The following PKD1L3 variants were observed in gnomAD, a reference collection of about 807,000 sequenced individuals.
PKD1L3 encodes the protein polycystin 1 like 3, transient receptor potential channel interacting, also known as polycystin-1-like protein 3.
Under a neutral mutation model 184.1 loss-of-function variants are expected in PKD1L3, and 239 were observed. The observed-to-expected ratio is 1.30, with a 90% CI of 1.17 to 1.45. The LOEUF (loss-of-function observed/expected upper bound fraction) is 1.45. Ranked by LOEUF, PKD1L3 falls within the 40% of genes most tolerant of loss-of-function variation. The pLI, the probability that PKD1L3 is intolerant of heterozygous loss-of-function variation, is 0.00. For missense variants in PKD1L3, 2,660 were observed against 2,067.2 expected (o/e 1.29, Z -5.56); for synonymous variants, 996 against 778.8 (o/e 1.28, Z -4.64).
Position 71,942,670 on chromosome 16 carries a change from C to T in PKD1L3, c.4214G>A (p.Arg1405Lys), listed in dbSNP as rs2038401350. The T allele has an allele frequency of 6.4e-7, 1 of 1,551,702 alleles. No homozygotes were observed. The highest frequency in any genetic ancestry group is 8.7e-7 in the Non-Finnish European group (1 of 1,147,000). Residue 1405 changes from arginine (R) to lysine (K), a missense_variant, in exon 24 of 30, where the codon AGG (arginine) becomes AAG (lysine). Physicochemically the swap from Arg to Lys is conservative, Grantham distance 26. Coordinates refer to ENST00000620267, the MANE Select transcript of PKD1L3 (RefSeq NM_181536.2). Reference protein sequence around the residue: ...PKSLFPGLHLRRFSYICSPRP... With the variant: ...PKSLFPGLHLKRFSYICSPRP... ...GGGTGAACAGATGTAACTGAACCTCCTTAGATGAAGTCCAGGGAATAGGCT... is the reference window on the plus strand; with the variant it reads ...GGGTGAACAGATGTAACTGAACCTCTTTAGATGAAGTCCAGGGAATAGGCT...
At chr16:71,959,801 T>C (rs1456316134) in intron 16 of PKD1L3, among the ~76,000 whole-genome samples, 5 of 151,976 alleles carry the variant, frequency 3.3e-5, no homozygotes, top group Non-Finnish European at 7.4e-5. Flanking sequence ...CAATGTATAG[T>C]TTCTAAACCA....
chr16:71,946,823 GAGGGAGAAGGGGATGA>G (rs1567500170), intron 22 of PKD1L3, among the ~76,000 whole-genome samples: 3 of 2,352 alleles, frequency 1.3e-3, no homozygotes, highest in African/African-American at 2.0e-3. Flanking sequence ...GGGGGAGGAG[GAGGGAGAAGGGGATGA>G]GGGAGAGAAG....
At position 71,977,223 on chromosome 16, in the gene PKD1L3, G is replaced by A; in HGVS notation, c.1759+13C>T. 1 of 1,487,054 alleles carries A rather than the reference G, an allele frequency of 6.7e-7. No individual in the cohort carries two copies. The highest frequency in any genetic ancestry group is 9.2e-7 in the Non-Finnish European group (1 of 1,088,404). 92.1% of individuals were successfully genotyped at this position (1,487,054 alleles called of 1,614,324 possible). On this transcript the variant is annotated intron_variant, in intron 11 of 29. Coordinates refer to ENST00000620267, the MANE Select transcript of PKD1L3 (RefSeq NM_181536.2). ...AAATCAAAGTAAGTTTCTGACAGCT[G>A]ATTGGGTTTTACCTTTTTGCCACAC...
At chr16:71,963,566 G>C (rs2039371993) in intron 15 of PKD1L3, among the ~76,000 whole-genome samples, 1 of 152,204 alleles carries the variant, frequency 6.6e-6, no homozygotes, top group South Asian at 2.1e-4. Flanking sequence ...TGGATTGCTT[G>C]AGCTCAGGCA....
At chr16:71,999,043 G>A (rs1476569741) in intron 1 of PKD1L3, among the ~76,000 whole-genome samples, 5 of 152,044 alleles carry the variant, frequency 3.3e-5, no homozygotes, top group South Asian at 2.1e-4. Context: ...AGGCCGAGGC[G>A]GGCGGATCAC....
intron 25 of PKD1L3, 102 bp from the exon 26 acceptor site, chr16:71,935,620 C>T: frequency 9.3e-7 from 1 of 1,078,264 alleles, no homozygotes. Flanking sequence ...GGGCAAAGCA[C>T]ACTGCCAGGC....
chr16:71,949,905 G>A lies in PKD1L3; in HGVS notation c.3496C>T (p.Leu1166=), dbSNP rs1187952767. ...VCWLLLGFTS[L]ASAFFTALYS... is the part of the protein sequence containing the mutation. ...AGTGCTGTAAAAAAGGCTGAAGCCA[G>A]GCTAGTGAAACCTAAGAGGAGCCAG... Residue 1166 remains leucine (L), a synonymous_variant, in exon 21 of 30, where the codon CTG becomes TTG. Transcript: ENST00000620267. The A allele has an allele frequency of 6.4e-7, 1 of 1,551,690 alleles. No individual in the cohort carries two copies. The highest frequency in any genetic ancestry group is 8.7e-7 in the Non-Finnish European group (1 of 1,146,994).
intron 25 of PKD1L3, 111 bp from the exon 26 acceptor site, chr16:71,935,629 G>T (rs535316568): frequency 1.0e-6 from 1 of 985,258 alleles, no homozygotes; most frequent in Non-Finnish European, 1.5e-6. Context: ...ACACTGCCAG[G>T]CATTTATCAG....
Position 71,969,030 on chromosome 16 carries a change from A to G in PKD1L3, c.2184+845T>C, listed in dbSNP as rs185127483. On this transcript the variant is annotated intron_variant, in intron 13 of 29. Coordinates refer to ENST00000620267, the MANE Select transcript of PKD1L3 (RefSeq NM_181536.2). ...ACCGCAACCTCTGTCTCCCGGGCTC[A>G]AGCAATTCTCCTGCCTCAGCCTCCC... Among the ~76,000 whole-genome samples the G allele has an allele frequency of 2.3e-3, 355 of 152,204 alleles. 4 individuals are homozygous for G. The highest frequency in any genetic ancestry group is 8.2e-3 in the African/African-American group (341 of 41,528).
intron 24 of PKD1L3, among the ~76,000 whole-genome samples, chr16:71,941,552 T>C (rs1008279744): frequency 1.3e-5 from 2 of 151,244 alleles, no homozygotes; most frequent in Non-Finnish European, 2.9e-5. Flanking sequence ...AAGGTCACGT[T>C]TCCAGATGAT....
rs1398195981 is a variant in PKD1L3, at chr16:71,993,345, C to CA, written c.419-14dup. ...TCCAAAAAGTCACCTATTTGAAAGC[C>CA]AACACACAAGTTAATTTATAGGTTA... On this transcript the variant is annotated splice_polypyrimidine_tract_variant and intron_variant, in intron 2 of 29. Coordinates refer to ENST00000620267, the MANE Select transcript of PKD1L3 (RefSeq NM_181536.2). 2 of 1,489,132 alleles carry CA rather than the reference C, an allele frequency of 1.3e-6. No homozygotes were observed. The highest frequency in any genetic ancestry group is 5.0e-5 in the East Asian group (2 of 40,324). 92.2% of individuals were successfully genotyped at this position (1,489,132 alleles called of 1,614,324 possible).
chr16:71,964,309 CTTTTTTTTTTTTTTTTTTTTTTTTTT>C (rs772995457), intron 15 of PKD1L3, among the ~76,000 whole-genome samples: 71 of 56,654 alleles, frequency 1.3e-3, no homozygotes, highest in African/African-American at 2.2e-3. Flanking sequence ...TCGTCAAAAT[CTTTTTTTTTTTTTTTTTTTTTTTTTT>C]TTTTTTTTTT....
intron 2 of PKD1L3, among the ~76,000 whole-genome samples, chr16:71,996,419 C>T (rs954978396): frequency 6.6e-6 from 1 of 151,970 alleles, no homozygotes; most frequent in Non-Finnish European, 1.5e-5. Flanking sequence ...CACCACCACG[C>T]CTGGCTAATT....
rs1419891538 is a variant in PKD1L3 at position 71,934,069 on chromosome 16, C to G, written c.4670G>C (p.Gly1557Ala). Residue 1557 changes from glycine to alanine, a missense_variant, in exon 27 of 30, where the codon GGC (glycine) becomes GCC (alanine). By Grantham distance (60) the Gly-to-Ala change is moderately conservative. Coordinates refer to ENST00000620267, the MANE Select transcript of PKD1L3 (RefSeq NM_181536.2). ...AACAGTTGCCAGGAGAACCGGGAAG[C>G]CCACAAGGTGAGTCGCAGCAGAGTT... ...KVNSAATHLV[G>A]FPVLLATVQL... 3.9e-6 allele frequency: 6 copies of G among 1,551,806 alleles called. No individual in the cohort carries two copies. The highest frequency in any genetic ancestry group is 4.9e-5 in the East Asian group (2 of 40,936).
intron 11 of PKD1L3, among the ~76,000 whole-genome samples, chr16:71,976,264 C>CTTTTTGTTTTTTTTT (rs2039918177): frequency 1.2e-5 from 1 of 81,776 alleles, no homozygotes; most frequent in Admixed American, 1.3e-4. Context: ...CCCAGCCTGT[C>CTTTTTGTTTTTTTTT]TTTTTTTTTT....
chr16:71,935,562 A>G lies in PKD1L3; in HGVS notation c.4453-44T>C, dbSNP rs779984473. The G allele has an allele frequency of 1.2e-5, 18 of 1,528,570 alleles. No homozygotes were observed. In the South Asian group the frequency reaches 2.2e-4, roughly 19 times the overall value. 94.7% of individuals were successfully genotyped at this position (1,528,570 alleles called of 1,614,324 possible). On this transcript the variant is annotated intron_variant, in intron 25 of 29. Coordinates refer to ENST00000620267, the MANE Select transcript of PKD1L3 (RefSeq NM_181536.2). ...GTCACTGTTGCTTGTCTGAGAGATT[A>G]GCTAGGTCTCTCCCTGCTCAAGTGT...
chr16:71,930,464 T>C (rs1429650408), intron 28 of PKD1L3: 1 of 257,634 alleles, frequency 3.9e-6, no homozygotes, highest in Admixed American at 5.1e-5. Flanking sequence ...GTCACATGAG[T>C]TTTGGCAAAA....
intron 19 of PKD1L3, among the ~76,000 whole-genome samples, chr16:71,950,731 TTCTC>T (rs937658795): frequency 9.7e-6 from 1 of 103,096 alleles, no homozygotes; most frequent in African/African-American, 3.7e-5. Flanking sequence ...TTTTTTGTAT[TTCTC>T]TCTTTTTTTT....
At chr16:71,944,923 T>C (rs2038508407) in intron 22 of PKD1L3, among the ~76,000 whole-genome samples, 2 of 151,122 alleles carry the variant, frequency 1.3e-5, no homozygotes, top group South Asian at 4.2e-4. Flanking sequence ...GATCTCGAAC[T>C]CCTACCTCAG....
Sources: allele counts gnomAD v4.1 joint callset (sites outside exome capture counted in the v4.1 genomes callset), GRCh38; gene constraint gnomAD v4.1.1; transcripts MANE v1.5; gene names NCBI Gene and HGNC (gene_info 2026-07-23, HGNC 2026-07-21).